The following CPSF4 variants were observed in gnomAD, a reference collection of about 807,000 sequenced individuals.
The protein encoded by CPSF4 is cleavage and polyadenylation specific factor 4.
In CPSF4, 11 loss-of-function variants were observed where a neutral mutation model predicts 37.7. The ratio of observed to expected loss-of-function variants is 0.29; its 90% CI spans 0.18 to 0.48. The LOEUF (loss-of-function observed/expected upper bound fraction) is 0.48. CPSF4 is among the 20% of genes least tolerant of loss of function. CPSF4 has a pLI of 0.99. For synonymous variants in CPSF4, 132 were observed against 135.9 expected, an observed-to-expected ratio of 0.97 and a Z score of 0.20; for missense variants, 144 against 359.5, an observed-to-expected ratio of 0.40 and a Z score of 4.85.
At chr7:99,442,598 C>T (rs570942457) in intron 1 of CPSF4, among the ~76,000 whole-genome samples, 1 of 132,968 alleles carries the variant, frequency 7.5e-6, no homozygotes, top group East Asian at 2.3e-4. Flanking sequence ...GCAGAGCCTG[C>T]AGTGAGCCGA....
chr7:99,450,549 G>A (rs1797858235), intron 4 of CPSF4, 153 bp from the exon 5 acceptor site: 2 of 765,674 alleles, frequency 2.6e-6, no homozygotes, highest in South Asian at 3.3e-5. Context: ...GTGGGTGGTG[G>A]TCCACCCGCT....
intron 2 of CPSF4, among the ~76,000 whole-genome samples, chr7:99,447,614 G>T (rs1797623598): frequency 6.9e-6 from 1 of 143,976 alleles, no homozygotes; most frequent in Non-Finnish European, 1.5e-5. Context: ...TTTTGAAAAG[G>T]TGTCTTGCTC....
intron 3 of CPSF4, among the ~76,000 whole-genome samples, chr7:99,449,548 C>G (rs1441105077): frequency 6.6e-6 from 1 of 152,268 alleles, no homozygotes; most frequent in Non-Finnish European, 1.5e-5. Context: ...TCTGCAGCTT[C>G]TGTCACCTGC....
In CPSF4 at chr7:99,453,132, G is replaced by C. The variant is rs181672817; in HGVS notation, c.570+692G>C. On this transcript the variant is annotated intron_variant, in intron 6 of 7. Coordinates refer to ENST00000292476, the MANE Select transcript of CPSF4 (RefSeq NM_006693.4). The surrounding 1 kb of genome is among the most constrained non-coding windows in gnomAD (Gnocchi z 4.7). The stretch of plus-strand genomic sequence containing the variant: ...ATGGGAGTCGGGAGTTGAGCCAAGA[G>C]GAAGGGCTGGCGTCAAGGCAGGGCG... The C allele has an allele frequency of 1.3e-5, 2 of 152,602 alleles. No individual in the cohort carries two copies. Among genetic ancestry groups the C allele is most frequent in the African/African-American group, 4.8e-5 (2 of 41,466 alleles). 9.5% of individuals were successfully genotyped at this position (152,602 alleles called of 1,614,324 possible). A position where few individuals can be genotyped will look rare whatever the true frequency, so the allele number is the denominator to read the frequency against.
At chr7:99,447,798 C>G (rs1797645156) in intron 2 of CPSF4, 2 of 463,714 alleles carry the variant, frequency 4.3e-6, no homozygotes, top group Non-Finnish European at 8.6e-6. Flanking sequence ...ACCGTGACAG[C>G]CAGGATGGTC....
chr7:99,442,447 G>A (rs1401909970), intron 1 of CPSF4, among the ~76,000 whole-genome samples: 1 of 151,870 alleles, frequency 6.6e-6, no homozygotes, highest in Non-Finnish European at 1.5e-5. Flanking sequence ...ACGAGGTCAG[G>A]AGATCGAGAC....
rs760248771 is a variant in CPSF4 at position 99,452,372 on chromosome 7, C to T, written c.502C>T (p.Arg168Ter). Residue 168 changes from arginine (R) to a stop codon, truncating the protein, a stop_gained, in exon 6 of 8, where the codon CGA becomes TGA. Coordinates refer to ENST00000292476, the MANE Select transcript of CPSF4 (RefSeq NM_006693.4). LOFTEE classifies it high-confidence loss of function. ...CCTCTGGCTGCTGGTGACCAGCCCTCGATTTGAACTGCCCATGGGAACCAC... is the reference window on the plus strand; with the variant it reads ...CCTCTGGCTGCTGGTGACCAGCCCTTGATTTGAACTGCCCATGGGAACCAC... ...EGPSCKFMHPRFELPMGTTEQ... is the reference protein window; with the variant it reads ...EGPSCKFMHP 7.4e-6 allele frequency: 12 copies of T among 1,613,888 alleles called. No homozygotes were observed. Among genetic ancestry groups the T allele is most frequent in the South Asian group, 1.1e-5 (1 of 91,070 alleles).
At chr7:99,439,227 C>A (rs1262560955) in intron 1 of CPSF4, 42 bp downstream of exon 1, 6 of 1,430,958 alleles carry the variant, frequency 4.2e-6, no homozygotes, top group East Asian at 2.4e-5. Flanking sequence ...GCGACTCGAA[C>A]CCGGGACCCG....
In CPSF4 at chr7:99,442,414, T is replaced by C. The variant is rs141892281; in HGVS notation, c.104-2375T>C. Among the ~76,000 whole-genome samples the C allele has an allele frequency of 7.6e-4, 115 of 151,978 alleles. 2 individuals are homozygous for C. In the East Asian group the frequency reaches 0.011, roughly 15 times the overall value. The stretch of plus-strand genomic sequence containing the variant: ...GCTCACACCTGTAATCCCAGCACTT[T>C]GGGAGGCCGAGGCGGGCGGATCACG... On this transcript the variant is annotated intron_variant, in intron 1 of 7. Coordinates refer to ENST00000292476, the MANE Select transcript of CPSF4 (RefSeq NM_006693.4).
rs1001305109 is a variant in CPSF4, at chr7:99,456,671, A to G, written c.*171A>G. 14 of 694,520 alleles carry G rather than the reference A, an allele frequency of 2.0e-5. No individual in the cohort carries two copies. The highest frequency in any genetic ancestry group is 4.1e-5 in the Admixed American group (2 of 49,070). The allele number at this position is 694,520 out of a possible 1,614,324, so 43.0% of individuals were successfully genotyped here. ...TAGTTTCCTATCATTTTGCCTTAGTATTTTTTGAAAAAGGGACATGTGTCC... is the reference window on the plus strand; with the variant it reads ...TAGTTTCCTATCATTTTGCCTTAGTGTTTTTTGAAAAAGGGACATGTGTCC... On this transcript the variant is annotated 3_prime_UTR_variant, in exon 8 of 8. Transcript: ENST00000292476.
At chr7:99,446,070 G>A (rs1416119849) in intron 2 of CPSF4, among the ~76,000 whole-genome samples, 1 of 152,210 alleles carries the variant, frequency 6.6e-6, no homozygotes, top group Non-Finnish European at 1.5e-5. Context: ...GTTTTGGTGA[G>A]TTTTGCTTCT....
At chr7:99,441,827 G>A (rs75436638) in intron 1 of CPSF4, among the ~76,000 whole-genome samples, 13,512 of 152,114 alleles carry the variant, frequency 0.089, 991 homozygotes, top group African/African-American at 0.2. Context: ...AGGTAGCTGG[G>A]ATTACAGGCA....
chr7:99,442,916 CTTCT>C (rs763948662), intron 1 of CPSF4: 1 of 1,475,404 alleles, frequency 6.8e-7, no homozygotes, highest in African/African-American at 1.4e-5. Context: ...CTCTTTTCCT[CTTCT>C]TTGCCTCTGT....
intron 1 of CPSF4, chr7:99,443,277 T>A: frequency 1.3e-6 from 1 of 787,376 alleles, no homozygotes; most frequent in Non-Finnish European, 2.3e-6. Flanking sequence ...AACAGTTTTT[T>A]TCAGGGGGTT....
At chr7:99,450,540 T>C in intron 4 of CPSF4, 162 bp from the exon 5 acceptor site, 1 of 745,496 alleles carries the variant, frequency 1.3e-6, no homozygotes, top group Non-Finnish European at 2.3e-6. Flanking sequence ...GAATGCTGGG[T>C]GGGTGGTGGT....
Position 99,439,055 on chromosome 7 carries a change from C to A in CPSF4, c.-28C>A. ...AAGGCTGCAGGAGACCGAGGGGGAG[C>A]CGGGCCGGTGGGGCCGCCGCCGCCG... On this transcript the variant is annotated 5_prime_UTR_variant, in exon 1 of 8. Coordinates refer to ENST00000292476, the MANE Select transcript of CPSF4 (RefSeq NM_006693.4). 1 of 1,589,880 alleles carries A rather than the reference C, an allele frequency of 6.3e-7. No homozygotes were observed. Among genetic ancestry groups the A allele is most frequent in the South Asian group, 1.1e-5 (1 of 89,160 alleles).
chr7:99,451,031 TA>T, intron 5 of CPSF4: 3 of 482,008 alleles, frequency 6.2e-6, no homozygotes. Flanking sequence ...GGCCATCTGG[TA>T]ATGTAATGGA....
At chr7:99,447,424 A>T (rs1370041156) in intron 2 of CPSF4, among the ~76,000 whole-genome samples, 1 of 150,428 alleles carries the variant, frequency 6.6e-6, no homozygotes, top group African/African-American at 2.4e-5. Flanking sequence ...ACCCACCCGC[A>T]AGCCGGGCTA....
chr7:99,443,872 T>A (rs1797246137), intron 1 of CPSF4, among the ~76,000 whole-genome samples: 1 of 151,924 alleles, frequency 6.6e-6, no homozygotes, highest in Non-Finnish European at 1.5e-5. Flanking sequence ...TGAGCCAAGA[T>A]CGCACCACCA....
Sources: gnomAD v4.1 joint callset for allele counts (sites outside exome capture counted in the v4.1 genomes callset) on GRCh38, gnomAD v4.1.1 for gene constraint, Gnocchi (gnomAD v3.1) non-coding constraint, MANE v1.5 for transcripts, NCBI Gene and HGNC (gene_info 2026-07-23, HGNC 2026-07-21) for gene names.